Variants in HELLS observed in about 807,000 individuals in gnomAD.
The protein encoded by HELLS is helicase, lymphoid specific.
Under a neutral mutation model 120.0 loss-of-function variants are expected in HELLS, and 32 were observed. The observed-to-expected ratio is 0.27, with a 90% CI of 0.20 to 0.36. The LOEUF (loss-of-function observed/expected upper bound fraction) is 0.36. Among genes scored for constraint, HELLS ranks in the 10% least tolerant of loss-of-function variants. HELLS has a pLI of 1.00. For synonymous variants in HELLS, 341 were observed against 323.4 expected (o/e 1.05, Z -0.58); for missense variants, 650 against 993.4 (o/e 0.65, Z 4.65).
Position 94,545,814 on chromosome 10 carries a change from G to C in HELLS, c.-108G>C. 5.4e-6 allele frequency: 7 copies of C among 1,294,352 alleles called. No individual in the cohort carries two copies. Among genetic ancestry groups the C allele is most frequent in the Non-Finnish European group, 7.7e-6 (7 of 912,362 alleles). 80.2% of individuals were successfully genotyped at this position (1,294,352 alleles called of 1,614,324 possible). A position where few individuals can be genotyped will look rare whatever the true frequency, so the allele number is the denominator to read the frequency against. Reference sequence around the variant, plus strand: ...AAGGAGAAGCGCGCTTTTTTCCCTGGCGGGGGATTTGGCTAGAAGGCTGGG... The same window carrying C: ...AAGGAGAAGCGCGCTTTTTTCCCTGCCGGGGGATTTGGCTAGAAGGCTGGG... On this transcript the variant is annotated 5_prime_UTR_variant, in exon 1 of 22. Transcript: ENST00000348459.
intron 6 of HELLS, 149 bp from the exon 7 acceptor site, chr10:94,571,239 G>A: frequency 1.7e-6 from 1 of 598,422 alleles, no homozygotes; most frequent in Non-Finnish European, 2.9e-6. Flanking sequence ...ATGTCTATAG[G>A]CTTATTTCTG....
chr10:94,592,322 T>C lies in HELLS; in HGVS notation c.1851+10T>C, dbSNP rs765586099. ...AAAAAGAGGTCACAAGGTGGTACTT[T>C]TGATTGGAATTTTGGATTGTTCAAT... On this transcript the variant is annotated intron_variant, in intron 16 of 21. Transcript: ENST00000348459. The C allele has an allele frequency of 1.3e-6, 2 of 1,599,036 alleles. No homozygotes were observed. Among genetic ancestry groups the C allele is most frequent in the Non-Finnish European group, 1.7e-6 (2 of 1,173,974 alleles).
Position 94,607,908 on chromosome 10 carries a change from A to G in HELLS, c.818-2A>G, listed in dbSNP as rs1846144910. The G allele has an allele frequency of 4.7e-6, 2 of 429,392 alleles. No individual in the cohort carries two copies. The highest frequency in any genetic ancestry group is 9.3e-6 in the Non-Finnish European group (2 of 214,796). 26.6% of individuals were successfully genotyped at this position (429,392 alleles called of 1,614,324 possible). On this transcript the variant is annotated splice_acceptor_variant, in intron 8 of 9. Coordinates refer to the HELLS transcript ENST00000371327. LOFTEE classifies it high-confidence loss of function. Reference sequence around the variant, plus strand: ...ACACCCAACTGATTTTTGTATTTTTAGTAGAGACAGGGTTTCACCATCTTG... The same window carrying G: ...ACACCCAACTGATTTTTGTATTTTTGGTAGAGACAGGGTTTCACCATCTTG...
chr10:94,568,794 C>CA (rs1843971303), intron 6 of HELLS, among the ~76,000 whole-genome samples: 1 of 150,946 alleles, frequency 6.6e-6, no homozygotes, highest in South Asian at 2.1e-4. Context: ...CGGAAAATCT[C>CA]AAAAATTACA....
intron 3 of HELLS, among the ~76,000 whole-genome samples, chr10:94,554,644 G>GTTTTTTTTTTTTTTTTTTTTTTTTT (rs199878580): frequency 9.7e-6 from 1 of 103,072 alleles, no homozygotes; most frequent in Non-Finnish European, 2.0e-5. Context: ...AAGTAATAGT[G>GTTTTTTTTTTTTTTTTTTTTTTTTT]TTTTTTTTTT....
chr10:94,569,856 T>A (rs979943047), intron 6 of HELLS: 10 of 152,122 alleles, frequency 6.6e-5, no homozygotes, highest in African/African-American at 2.2e-4. Context: ...ATCTAGAGTG[T>A]CTCTCATCTT....
chr10:94,554,555 G>T (rs534254838), intron 3 of HELLS, among the ~76,000 whole-genome samples: 9 of 151,496 alleles, frequency 5.9e-5, no homozygotes, highest in African/African-American at 2.2e-4. Context: ...ATGAAATCAT[G>T]GTATTGTGCT....
chr10:94,557,290 A>G, intron 3 of HELLS: 1 of 258,062 alleles, frequency 3.9e-6, no homozygotes, highest in Non-Finnish European at 8.2e-6. Context: ...TATTTGTCAA[A>G]TCTCCTTTTT....
At position 94,576,722 on chromosome 10, in the gene HELLS, T is replaced by G; in HGVS notation, c.949T>G (p.Tyr317Asp). Residue 317 changes from tyrosine (Y) to aspartate (D), a missense_variant, in exon 10 of 22, where the codon TAC becomes GAC. Tyr to Asp is a radical substitution (Grantham distance 160). Around this residue, in one of 9 missense-constraint regions of HELLS, gnomAD observed 61 missense variants for 86.5 expected, o/e 0.71. Coordinates refer to ENST00000348459, the MANE Select transcript of HELLS (RefSeq NM_018063.5). ...EERQKLVRNI[Y>D]KRKGTLQIHP... Reference sequence around the variant, plus strand: ...ACGTCAAAAATTGGTAAGAAATATTTACAAACGGAAAGGGACTTTGCAGAT... The same window carrying G: ...ACGTCAAAAATTGGTAAGAAATATTGACAAACGGAAAGGGACTTTGCAGAT... 6.2e-7 allele frequency: 1 copy of G among 1,611,872 alleles called. No individual in the cohort carries two copies. The highest frequency in any genetic ancestry group is 8.5e-7 in the Non-Finnish European group (1 of 1,178,232).
chr10:94,592,350 T>G, intron 16 of HELLS, 38 bp downstream of exon 16: 2 of 1,579,548 alleles, frequency 1.3e-6, no homozygotes, highest in Middle Eastern at 1.7e-4. Context: ...TGTTCAATTA[T>G]TTTTTTATCA....
intron 2 of HELLS, among the ~76,000 whole-genome samples, chr10:94,549,601 A>G (rs879722895): frequency 5.9e-5 from 9 of 152,152 alleles, no homozygotes; most frequent in East Asian, 1.9e-4. Flanking sequence ...CCACCCCCCA[A>G]TAAAAAATCT....
chr10:94,582,864 C>T (rs747812775), intron 11 of HELLS, 99 bp from the exon 12 acceptor site: 16 of 615,112 alleles, frequency 2.6e-5, no homozygotes, highest in Middle Eastern at 4.1e-4. Flanking sequence ...AACAATACCA[C>T]GTTTCATTAT....
chr10:94,554,066 C>T, intron 2 of HELLS, 60 bp from the exon 3 acceptor site: 1 of 1,413,066 alleles, frequency 7.1e-7, no homozygotes, highest in Non-Finnish European at 9.4e-7. Context: ...AACTTTATGC[C>T]AAAAAAATTA....
chr10:94,559,406 G>T (rs1416186232), intron 4 of HELLS, among the ~76,000 whole-genome samples: 1 of 151,932 alleles, frequency 6.6e-6, no homozygotes, highest in Non-Finnish European at 1.5e-5. Context: ...GTACAGTGCT[G>T]TTGGCCCTGA....
Position 94,576,471 on chromosome 10 carries a change from G to GT in HELLS, c.889-182dup, listed in dbSNP as rs200148179. 2.0e-3 allele frequency among the ~76,000 whole-genome samples: 302 copies of GT among 148,070 alleles called. 1 individual carries two copies. The highest frequency in any genetic ancestry group is 3.1e-3 in the Non-Finnish European group (208 of 66,726). ...TGGGCCTGACTTTGTTTTTTTGTTT[G>GT]TTTTTTTTTCATTTTCTCCCATAAT... On this transcript the variant is annotated intron_variant, in intron 9 of 21. Coordinates refer to ENST00000348459, the MANE Select transcript of HELLS (RefSeq NM_018063.5).
chr10:94,609,133 C>T (rs1181256168), intron 9 of HELLS, among the ~76,000 whole-genome samples: 1 of 148,296 alleles, frequency 6.7e-6, no homozygotes, highest in Non-Finnish European at 1.5e-5. Context: ...AAGCGATTCT[C>T]CTGCCTCCAT....
rs540541317 is a variant in HELLS at position 94,600,375 on chromosome 10, A to T, written c.2423-1153A>T. Among the ~76,000 whole-genome samples, 3 of 152,282 alleles carry T rather than the reference A, an allele frequency of 2.0e-5. No homozygotes were observed. In the South Asian group the frequency reaches 6.2e-4, roughly 32 times the overall value. On this transcript the variant is annotated intron_variant, in intron 21 of 21. Transcript: ENST00000348459. ...TTATATGAGAGAGTAATAAAGGGCC[A>T]GAACCAAGACAGTTTTGAAGCACAA...
intron 10 of HELLS, chr10:94,577,703 A>T (rs1216404220): frequency 6.6e-6 from 1 of 152,180 alleles, no homozygotes; most frequent in Non-Finnish European, 1.5e-5. Flanking sequence ...AGGTGGGCAG[A>T]TCCCTTGAGG....
chr10:94,604,720 G>A (rs1282989983), downstream of HELLS, among the ~76,000 whole-genome samples: 4 of 151,954 alleles, frequency 2.6e-5, no homozygotes, highest in African/African-American at 4.8e-5. Flanking sequence ...TATTATGGCT[G>A]TGTAAGTATT....
Sources: gnomAD v4.1 joint callset for allele counts (sites outside exome capture counted in the v4.1 genomes callset) on GRCh38, gnomAD v4.1.1 for gene constraint, gnomAD v4.1.1 regional missense constraint, MANE v1.5 for transcripts, NCBI Gene and HGNC (gene_info 2026-07-23, HGNC 2026-07-21) for gene names.